The following JAKMIP3 variants were observed in gnomAD, a reference collection of about 807,000 sequenced individuals.
The protein encoded by JAKMIP3 is janus kinase and microtubule-interacting protein 3.
Under a neutral mutation model 118.5 loss-of-function variants are expected in JAKMIP3, and 58 were observed. The ratio of observed to expected loss-of-function variants is 0.49; its 90% confidence interval spans 0.40 to 0.61. JAKMIP3 has a LOEUF of 0.61. JAKMIP3 is among the 20% of genes least tolerant of loss of function. The pLI is 0.00. For missense variants in JAKMIP3, 950 were observed against 1,109.0 expected (o/e 0.86, Z 2.04); for synonymous variants, 486 against 451.2 (o/e 1.08, Z -0.98).
At position 132,167,955 on chromosome 10, in the gene JAKMIP3, C is replaced by G; in HGVS notation, c.*25C>G. 1.6e-6 allele frequency: 2 copies of G among 1,289,350 alleles called. No homozygotes were observed. The highest frequency in any genetic ancestry group is 2.0e-6 in the Non-Finnish European group (2 of 988,772). 79.9% of individuals were successfully genotyped at this position (1,289,350 alleles called of 1,614,324 possible). ...ACTCTACGTTTCATTTCTTCCAGCC[C>G]CACATTGAATCGGACCCTTTTCCTC... On this transcript the variant is annotated splice_region_variant and 3_prime_UTR_variant, in exon 23 of 24. Coordinates refer to ENST00000684848, the MANE Select transcript of JAKMIP3 (RefSeq NM_001323087.2).
chr10:132,082,856 G>A (rs1410607232), intron 1 of JAKMIP3, among the ~76,000 whole-genome samples: 15 of 152,314 alleles, frequency 9.8e-5, no homozygotes, highest in South Asian at 2.1e-4. Context: ...TGATCCGCCC[G>A]CCTTGGCCGC....
At chr10:132,144,783 G>C (rs955999424) in intron 11 of JAKMIP3, 23 of 218,208 alleles carry the variant, frequency 1.1e-4, no homozygotes, top group Admixed American at 1.1e-4. Flanking sequence ...ACAAAAATTA[G>C]TGGGGTGTGG....
At chr10:132,060,412 C>A (rs182506216), upstream of JAKMIP3, among the ~76,000 whole-genome samples, 1 of 152,128 alleles carries the variant, frequency 6.6e-6, no homozygotes, top group Non-Finnish European at 1.5e-5. Flanking sequence ...GCAGAGAAAG[C>A]GCTTGATGAC....
At chr10:132,106,151 A>G (rs2045866202) in intron 2 of JAKMIP3, among the ~76,000 whole-genome samples, 1 of 149,682 alleles carries the variant, frequency 6.7e-6, no homozygotes, top group Non-Finnish European at 1.5e-5. Context: ...CCTGGGCAAC[A>G]TAGGGAGACC....
Position 132,169,032 on chromosome 10 carries a change from A to G in JAKMIP3, c.*1102A>G, listed in dbSNP as rs574547885. 1 of 154,558 alleles carries G rather than the reference A, an allele frequency of 6.5e-6. No homozygotes were observed. Among genetic ancestry groups the G allele is most frequent in the East Asian group, 1.9e-4 (1 of 5,164 alleles). The allele number at this position is 154,558 out of a possible 1,614,324, so 9.6% of individuals were successfully genotyped here. ...ACGAGCCGTGGACCAAGAGGCTGAC[A>G]GGTAAGGGCTGCCATCTGTCCGCGG... On this transcript the variant is annotated splice_region_variant and 3_prime_UTR_variant, in exon 23 of 24. Transcript: ENST00000684848.
At position 132,138,161 on chromosome 10, in the gene JAKMIP3, A is replaced by G. The variant is rs368366945; in HGVS notation, c.1327A>G (p.Met443Val). The stretch of plus-strand genomic sequence containing the variant: ...AAGATTCCGGAAGCAAAGAAAGAAA[A>G]TGGCAAAACTTCCCAAGGTAAGGAA... ...LLRFRKQRKK[M>V]AKLPKPVVVE... Residue 443 changes from methionine (M) to valine (V), a missense_variant, in exon 9 of 24, where the codon ATG becomes GTG. Physicochemically the swap from Met to Val is conservative, Grantham distance 21. Coordinates refer to ENST00000684848, the MANE Select transcript of JAKMIP3 (RefSeq NM_001323087.2). 4 of 1,611,424 alleles carry G rather than the reference A, an allele frequency of 2.5e-6. No homozygotes were observed. The highest frequency in any genetic ancestry group is 1.7e-6 in the Non-Finnish European group (2 of 1,178,862).
At chr10:132,108,769 G>A (rs947522993) in intron 2 of JAKMIP3, among the ~76,000 whole-genome samples, 4 of 151,856 alleles carry the variant, frequency 2.6e-5, no homozygotes, top group Admixed American at 6.6e-5. Context: ...TTGGAAGGCT[G>A]AGGCGGGAGA....
At chr10:132,121,889 G>A (rs1300855855) in intron 3 of JAKMIP3, among the ~76,000 whole-genome samples, 1 of 152,180 alleles carries the variant, frequency 6.6e-6, no homozygotes, top group African/African-American at 2.4e-5. Flanking sequence ...CAGGGCTGGT[G>A]AAGGAGGGGG....
At position 132,133,423 on chromosome 10, in the gene JAKMIP3, C is replaced by T. The variant is rs372194857; in HGVS notation, c.745C>T (p.Gln249Ter). The T allele has an allele frequency of 1.3e-6, 2 of 1,593,030 alleles. No individual in the cohort carries two copies. Among genetic ancestry groups the T allele is most frequent in the African/African-American group, 2.7e-5 (2 of 74,422 alleles). Residue 249 changes from glutamine (Q) to a stop codon, truncating the protein, a stop_gained, in exon 4 of 24, where the codon CAG becomes TAG. Transcript: ENST00000684848. LOFTEE classifies it high-confidence loss of function. ...GCTCCAAAAAGAGGCTCTAGATGAG[C>T]AGCTGTCCCAGGTCCGAGAGGCCGA... The part of the protein sequence containing the change: ...LQLQKEALDE[Q>*]LSQVREADRH...
Position 132,097,923 on chromosome 10 carries a change from T to TTCTCC in JAKMIP3, c.-137-6749_-137-6748insTCTCC, listed in dbSNP as rs1564892743. 2.1e-4 allele frequency among the ~76,000 whole-genome samples: 7 copies of TTCTCC among 33,874 alleles called. 1 individual carries two copies. The highest frequency in any genetic ancestry group is 2.1e-3 in the East Asian group (1 of 480). 22.2% of individuals were successfully genotyped at this position (33,874 alleles called of 152,430 possible). On this transcript the variant is annotated intron_variant, in intron 1 of 23. Coordinates refer to ENST00000684848, the MANE Select transcript of JAKMIP3 (RefSeq NM_001323087.2). Reference sequence around the variant, plus strand: ...TCCCCTTCCCCTTCCCCTTCCCCTTTCCTTCCCCTTCCCCTTTCCCTTTCC... The same window carrying TTCTCC: ...TCCCCTTCCCCTTCCCCTTCCCCTTTTCTCCCCTTCCCCTTCCCCTTTCCCTTTCC...
chr10:132,127,792 A>T (rs1009372575), intron 3 of JAKMIP3, among the ~76,000 whole-genome samples: 1 of 152,012 alleles, frequency 6.6e-6, no homozygotes, highest in African/African-American at 2.4e-5. Context: ...ATTTAGTGTT[A>T]TTCCATTAGT....
chr10:132,159,345 AG>A (rs2057559296), intron 19 of JAKMIP3, among the ~76,000 whole-genome samples: 5 of 30,724 alleles, frequency 1.6e-4, no homozygotes, highest in South Asian at 1.2e-3. Flanking sequence ...TGTGATGCTG[AG>A]GGGGCCTCTC....
intron 11 of JAKMIP3, chr10:132,144,162 C>A (rs1415242240): frequency 6.6e-6 from 1 of 152,180 alleles, no homozygotes; most frequent in Non-Finnish European, 1.5e-5. Flanking sequence ...TTCGGAGCCA[C>A]CACAGCAAAG....
intron 19 of JAKMIP3, among the ~76,000 whole-genome samples, chr10:132,162,550 A>G (rs971010692): frequency 3.3e-5 from 5 of 152,212 alleles, no homozygotes; most frequent in African/African-American, 1.2e-4. Context: ...GCCAAGAACA[A>G]TAAAGTGTAA....
chr10:132,100,611 C>CT (rs2044706792), intron 1 of JAKMIP3, among the ~76,000 whole-genome samples: 1 of 109,992 alleles, frequency 9.1e-6, no homozygotes, highest in Non-Finnish European at 2.5e-5. Context: ...GCAGGCCACG[C>CT]CCCCCCAGCA....
At position 132,114,526 on chromosome 10, in the gene JAKMIP3, G is replaced by T. The variant is rs555231942; in HGVS notation, c.136-2551G>T. On this transcript the variant is annotated intron_variant, in intron 2 of 23. Coordinates refer to ENST00000684848, the MANE Select transcript of JAKMIP3 (RefSeq NM_001323087.2). ...GTGCCACTGTGCTGGGACAGCAGAA[G>T]TTGGCTGTTAGTCATGGTAGCTCCC... Among the ~76,000 whole-genome samples the T allele has an allele frequency of 5.3e-5, 8 of 152,342 alleles. No homozygotes were observed. The South Asian group carries it at 8.3e-4, about 16-fold the overall frequency.
At chr10:132,176,545 G>A (rs995929780) in intron 23 of JAKMIP3, among the ~76,000 whole-genome samples, 2 of 152,160 alleles carry the variant, frequency 1.3e-5, no homozygotes, top group Admixed American at 6.5e-5. Flanking sequence ...CTCCCCATGA[G>A]GGCTTTGTGC....
In JAKMIP3 at chr10:132,150,615, C is replaced by A. The variant is rs535474286; in HGVS notation, c.2007+574C>A. 3.9e-5 allele frequency among the ~76,000 whole-genome samples: 6 copies of A among 152,278 alleles called. No homozygotes were observed. The East Asian group carries it at 1.2e-3, about 29-fold the overall frequency. Reference sequence around the variant, plus strand: ...ATTCATGCTCTGTCTTATATCCATCCATCTATCTATCCTGTGTAATCCATC... The same window carrying A: ...ATTCATGCTCTGTCTTATATCCATCAATCTATCTATCCTGTGTAATCCATC... On this transcript the variant is annotated intron_variant, in intron 16 of 23. Coordinates refer to ENST00000684848, the MANE Select transcript of JAKMIP3 (RefSeq NM_001323087.2).
intron 3 of JAKMIP3, among the ~76,000 whole-genome samples, chr10:132,119,473 T>G (rs1362877157): frequency 6.6e-6 from 1 of 152,214 alleles, no homozygotes; most frequent in African/African-American, 2.4e-5. Flanking sequence ...TAGCAGCCCT[T>G]ACTTCAAAAA....
Sources: allele counts gnomAD v4.1 joint callset (sites outside exome capture counted in the v4.1 genomes callset), GRCh38; gene constraint gnomAD v4.1.1; transcripts MANE v1.5; gene names NCBI Gene and HGNC (gene_info 2026-07-23, HGNC 2026-07-21).